Variants in MLLT10 observed in about 807,000 individuals in gnomAD.
MLLT10 encodes the protein MLLT10 histone lysine methyltransferase DOT1L cofactor, also known as protein AF-10.
MLLT10 carries 30 observed loss-of-function variants against 129.1 expected under a neutral mutation model. The observed-to-expected ratio is 0.23, with a 90% CI of 0.17 to 0.32. The LOEUF is 0.32. MLLT10 is among the 10% of genes least tolerant of loss of function. The pLI is 1.00. For missense variants in MLLT10, 1,119 were observed against 1,268.3 expected (o/e 0.88, Z 1.79); for synonymous variants, 490 against 446.4 (o/e 1.10, Z -1.23).
rs2058709673 is a variant in MLLT10, at chr10:21,740,170, A to G, written c.3096A>G (p.Pro1032=). The G allele has an allele frequency of 6.2e-7, 1 of 1,614,194 alleles. No homozygotes were observed. The highest frequency in any genetic ancestry group is 1.6e-4 in the Middle Eastern group (1 of 6,062). Residue 1032 remains proline, a synonymous_variant, in exon 22 of 23, where the codon CCA becomes CCG. Coordinates refer to ENST00000307729, the MANE Select transcript of MLLT10 (RefSeq NM_001195626.3). ...NNLLAGTQAP[P]LHTATTNPFL... is the part of the protein sequence containing the mutation. ...TTCTTGCAGGTACACAGGCACCCCC[A>G]CTTCACACAGCTACCACCAACCCAT...
chr10:21,699,698 A>T (rs1378584321), intron 13 of MLLT10, among the ~76,000 whole-genome samples: 10 of 151,284 alleles, frequency 6.6e-5, no homozygotes, highest in Non-Finnish European at 3.0e-5. Flanking sequence ...AAAAAAAAAA[A>T]GTGGGTTTAT....
chr10:21,731,109 A>T (rs1263720281), intron 17 of MLLT10, 55 bp downstream of exon 17: 6 of 1,501,748 alleles, frequency 4.0e-6, no homozygotes, highest in Non-Finnish European at 5.4e-6. Context: ...ATGGACAAAC[A>T]GGCAGATGGA....
At chr10:21,718,554 A>C (rs549045555) in intron 14 of MLLT10, among the ~76,000 whole-genome samples, 1 of 152,164 alleles carries the variant, frequency 6.6e-6, no homozygotes, top group African/African-American at 2.4e-5. Context: ...CTACTTTCTG[A>C]GTTTTGCGTT....
intron 8 of MLLT10, among the ~76,000 whole-genome samples, chr10:21,624,252 A>G (rs2046192203): frequency 6.6e-6 from 1 of 152,190 alleles, no homozygotes; most frequent in Non-Finnish European, 1.5e-5. Context: ...TCTATCCTAG[A>G]TCCAAAAAAA....
Position 21,534,257 on chromosome 10 carries a change from A to G in MLLT10, c.-264A>G, listed in dbSNP as rs2033341545. ...GCGCACGCCAAGTGACGCTCCGAGG[A>G]GGAAGCGCAGCCCCCTTCCCCTCCC... On this transcript the variant is annotated 5_prime_UTR_variant, in exon 1 of 23. Transcript: ENST00000307729. 7 of 392,194 alleles carry G rather than the reference A, an allele frequency of 1.8e-5. No individual in the cohort carries two copies. Among genetic ancestry groups the G allele is most frequent in the Admixed American group, 1.4e-4 (3 of 21,746 alleles). 24.3% of individuals were successfully genotyped at this position (392,194 alleles called of 1,614,324 possible). A position where few individuals can be genotyped will look rare whatever the true frequency, so the allele number is the denominator to read the frequency against.
chr10:21,655,825 A>C (rs1195980779), intron 9 of MLLT10, among the ~76,000 whole-genome samples: 3 of 152,184 alleles, frequency 2.0e-5, no homozygotes, highest in Non-Finnish European at 4.4e-5. Context: ...GGTCGATCTA[A>C]GTTTTTGTTG....
At chr10:21,600,484 CTGTT>C (rs1376567989) in intron 5 of MLLT10, among the ~76,000 whole-genome samples, 5 of 152,052 alleles carry the variant, frequency 3.3e-5, no homozygotes, top group East Asian at 1.9e-4. Flanking sequence ...ACATATTACT[CTGTT>C]TGTAAAACAA....
At chr10:21,662,126 G>T (rs939816178) in intron 9 of MLLT10, among the ~76,000 whole-genome samples, 1 of 152,130 alleles carries the variant, frequency 6.6e-6, no homozygotes, top group South Asian at 2.1e-4. Flanking sequence ...TGTGGGTAAG[G>T]TGTTTTCTTC....
chr10:21,599,652 C>A (rs2043334639), intron 5 of MLLT10, among the ~76,000 whole-genome samples: 1 of 152,144 alleles, frequency 6.6e-6, no homozygotes, highest in Non-Finnish European at 1.5e-5. Flanking sequence ...GCAGCCTCGA[C>A]CTCTTGGGCT....
intron 13 of MLLT10, among the ~76,000 whole-genome samples, chr10:21,682,490 A>G (rs2052843671): frequency 6.6e-6 from 1 of 152,186 alleles, no homozygotes; most frequent in Non-Finnish European, 1.5e-5. Context: ...GCAAAATGAT[A>G]ATAGTGTTTT....
intron 3 of MLLT10, among the ~76,000 whole-genome samples, chr10:21,583,719 T>C (rs1245542254): frequency 6.6e-6 from 1 of 152,074 alleles, no homozygotes; most frequent in Non-Finnish European, 1.5e-5. Context: ...AGCAAGAAAC[T>C]CACTCATTAC....
At chr10:21,651,903 CTTTTTTTTTT>C (rs775460288) in intron 9 of MLLT10, 135 bp downstream of exon 9, 31 of 133,736 alleles carry the variant, frequency 2.3e-4, no homozygotes, top group Admixed American at 5.1e-4. Flanking sequence ...ATTCTCATTT[CTTTTTTTTTT>C]TTTTTTTTTT....
chr10:21,645,115 C>T (rs2048357191), intron 8 of MLLT10, among the ~76,000 whole-genome samples: 2 of 152,080 alleles, frequency 1.3e-5, no homozygotes, highest in African/African-American at 2.4e-5. Flanking sequence ...AGATTTGGGA[C>T]TTTCGGTTAT....
At chr10:21,539,544 C>T (rs532571392) in intron 3 of MLLT10, among the ~76,000 whole-genome samples, 14 of 150,794 alleles carry the variant, frequency 9.3e-5, no homozygotes, top group African/African-American at 2.7e-4. Flanking sequence ...GAGGCCGAGG[C>T]GGGAGTATCT....
rs151203840 is a variant in MLLT10 at position 21,664,926 on chromosome 10, A to T, written c.796-5523A>T. 5.8e-3 allele frequency among the ~76,000 whole-genome samples: 860 copies of T among 148,230 alleles called. 2 individuals carry two copies. The highest frequency in any genetic ancestry group is 0.02 in the African/African-American group (811 of 40,366). ...TTCTTTGTGCCTTTATATTTAAAATAGGCTTCTTTTTTCTTTTCTTTTTTT... is the reference window on the plus strand; with the variant it reads ...TTCTTTGTGCCTTTATATTTAAAATTGGCTTCTTTTTTCTTTTCTTTTTTT... On this transcript the variant is annotated intron_variant, in intron 9 of 22. Transcript: ENST00000307729.
At chr10:21,626,610 A>G (rs536401301) in intron 8 of MLLT10, among the ~76,000 whole-genome samples, 42 of 152,262 alleles carry the variant, frequency 2.8e-4, no homozygotes, top group Non-Finnish European at 5.0e-4. Context: ...TTTCAACATG[A>G]GTTTTGGCAG....
chr10:21,615,098 A>G (rs993761842), intron 7 of MLLT10, among the ~76,000 whole-genome samples, 174 bp downstream of exon 7: 1 of 152,088 alleles, frequency 6.6e-6, no homozygotes, highest in African/African-American at 2.4e-5. Flanking sequence ...AGTAATTTTA[A>G]AAGATTTTGC....
chr10:21,669,819 T>C (rs1387950085), intron 9 of MLLT10, among the ~76,000 whole-genome samples: 2 of 152,240 alleles, frequency 1.3e-5, no homozygotes, highest in African/African-American at 2.4e-5. Context: ...AAGGGAATGA[T>C]TGAGAACCAT....
chr10:21,711,712 T>C (rs1347502302), intron 13 of MLLT10, among the ~76,000 whole-genome samples: 1 of 152,046 alleles, frequency 6.6e-6, no homozygotes, highest in South Asian at 2.1e-4. Flanking sequence ...ACCACGGCAC[T>C]CCAGCATAGG....
Sources: allele counts gnomAD v4.1 joint callset (sites outside exome capture counted in the v4.1 genomes callset), GRCh38; gene constraint gnomAD v4.1.1; transcripts MANE v1.5; gene names NCBI Gene and HGNC (gene_info 2026-07-23, HGNC 2026-07-21).